The following LANCL3 variants were observed in gnomAD, a reference collection of about 807,000 sequenced individuals.
The protein encoded by LANCL3 is LanC like family member 3, also known as lanC-like protein 3.
In LANCL3, 19 loss-of-function variants were observed where a neutral mutation model predicts 26.5. The observed-to-expected ratio is 0.72, with a 90% CI of 0.50 to 1.05. The LOEUF is 1.05. LANCL3 is among the 50% of genes least tolerant of loss of function. The pLI is 0.00. For missense variants in LANCL3, 318 were observed against 362.7 expected (o/e 0.88, Z 1.00); for synonymous variants, 160 against 166.6 (o/e 0.96, Z 0.30).
chrX:37,614,268 A>T (rs1002385384), intron 1 of LANCL3, among the ~76,000 whole-genome samples: 2 of 111,589 alleles, frequency 1.8e-5, no homozygotes, highest in Non-Finnish European at 3.8e-5. Flanking sequence ...ACGTAAAAAA[A>T]ATACCCATGC....
chrX:37,649,876 G>A (rs1369954231), intron 1 of LANCL3, among the ~76,000 whole-genome samples: 3 of 111,084 alleles, frequency 2.7e-5, no homozygotes, highest in South Asian at 3.8e-4. Flanking sequence ...TTTAGCCCTC[G>A]TCTTCATCAT....
At chrX:37,622,370 A>G (rs1218076548) in intron 1 of LANCL3, among the ~76,000 whole-genome samples, 1 of 105,954 alleles carries the variant, frequency 9.4e-6, no homozygotes, top group Admixed American at 1.0e-4. Flanking sequence ...GATTGTGCAA[A>G]AAGAGGGACT....
intron 1 of LANCL3, among the ~76,000 whole-genome samples, chrX:37,584,439 A>G (rs1249638641): frequency 4.0e-4 from 44 of 109,984 alleles, no homozygotes; most frequent in South Asian, 7.9e-4. Context: ...CTGTGAATCC[A>G]TCTGGTCCTG....
chrX:37,614,020 T>C (rs12846371), intron 1 of LANCL3, among the ~76,000 whole-genome samples: 1 of 112,343 alleles, frequency 8.9e-6, no homozygotes, highest in African/African-American at 3.2e-5. Context: ...AAACCCCTAG[T>C]TGGACTAGTG....
Position 37,571,808 on chromosome X carries a change from C to G in LANCL3, c.-63C>G. The G allele has an allele frequency of 9.9e-7, 1 of 1,007,645 alleles. No homozygotes were observed. The highest frequency in any genetic ancestry group is 1.3e-6 in the Non-Finnish European group (1 of 743,243). The allele number at this position is 1,007,645 out of a possible 1,213,427, so 83.0% of individuals were successfully genotyped here. ...GCCTCAGAGAGCCGGAGGTGGTGTG[C>G]GGGGCTGCAGGGCACGACTTCAAGC... On this transcript the variant is annotated 5_prime_UTR_variant, in exon 1 of 5. Transcript: ENST00000378619.
chrX:37,598,623 A>G (rs1166147910), intron 1 of LANCL3, among the ~76,000 whole-genome samples: 1 of 112,659 alleles, frequency 8.9e-6, no homozygotes, highest in Non-Finnish European at 1.9e-5. Context: ...TTATTTAGAC[A>G]TTGATTTTAT....
In LANCL3 at chrX:37,632,910, G is replaced by A. The variant is rs782129474; in HGVS notation, c.574-22778G>A. Reference sequence around the variant, plus strand: ...CATTTTTTCCTTCATTTCAACTTTGGTGAATCTGACAATTATGTGTCTTGG... The same window carrying A: ...CATTTTTTCCTTCATTTCAACTTTGATGAATCTGACAATTATGTGTCTTGG... On this transcript the variant is annotated intron_variant, in intron 1 of 4. Coordinates refer to ENST00000378619, the MANE Select transcript of LANCL3 (RefSeq NM_001170331.2). Among the ~76,000 whole-genome samples the A allele has an allele frequency of 1.8e-4, 20 of 111,195 alleles. No homozygotes were observed. In the East Asian group the frequency reaches 5.3e-3, roughly 30 times the overall value.
intron 1 of LANCL3, among the ~76,000 whole-genome samples, chrX:37,655,456 GGT>G (rs1926258752): frequency 8.9e-6 from 1 of 112,133 alleles, no homozygotes; most frequent in East Asian, 2.8e-4. Context: ...TAGCTGTAAA[GGT>G]GTGTGTTTTC....
chrX:37,678,640 T>G lies in LANCL3; in HGVS notation c.*2827T>G, dbSNP rs1284412453. 1 of 111,682 alleles carries G rather than the reference T, an allele frequency of 9.0e-6. No homozygotes were observed. Among genetic ancestry groups the G allele is most frequent in the Non-Finnish European group, 1.9e-5 (1 of 53,066 alleles). 9.2% of individuals were successfully genotyped at this position (111,682 alleles called of 1,213,427 possible). A position where few individuals can be genotyped will look rare whatever the true frequency, so the allele number is the denominator to read the frequency against. On this transcript the variant is annotated 3_prime_UTR_variant, in exon 5 of 5. Transcript: ENST00000378619. ...CTTCCACACACACCCCAGAATATTA[T>G]ACATTTTTATTTTGCCCAAGCCTGT...
intron 1 of LANCL3, among the ~76,000 whole-genome samples, chrX:37,637,188 C>T (rs977046179): frequency 2.7e-5 from 3 of 111,674 alleles, no homozygotes; most frequent in African/African-American, 9.8e-5. Context: ...ATTAAGTGTG[C>T]CTTCCATCAT....
At chrX:37,664,874 A>G (rs782533710) in intron 3 of LANCL3, among the ~76,000 whole-genome samples, 1 of 111,634 alleles carries the variant, frequency 9.0e-6, no homozygotes, top group Non-Finnish European at 1.9e-5. Flanking sequence ...AGCACCATCC[A>G]TGTTCCTGGA....
intron 1 of LANCL3, among the ~76,000 whole-genome samples, chrX:37,574,888 GGT>G (rs781868476): frequency 0.21 from 20,677 of 100,718 alleles, 3,613 homozygotes; most frequent in African/African-American, 0.55. Context: ...ACCTTGTATA[GGT>G]GTGTGTGTGT....
At chrX:37,612,796 G>C (rs1556421332) in intron 1 of LANCL3, among the ~76,000 whole-genome samples, 1 of 111,890 alleles carries the variant, frequency 8.9e-6, no homozygotes, top group East Asian at 2.8e-4. Context: ...ATCAGGAAAT[G>C]TTGACACAGT....
chrX:37,660,628 T>G (rs1338778540), intron 3 of LANCL3, among the ~76,000 whole-genome samples: 3 of 111,102 alleles, frequency 2.7e-5, no homozygotes, highest in Non-Finnish European at 3.8e-5. Flanking sequence ...AGATTCTGAG[T>G]CGATTTAATT....
intron 1 of LANCL3, among the ~76,000 whole-genome samples, chrX:37,631,942 G>T (rs1357107247): frequency 9.0e-6 from 1 of 110,725 alleles, no homozygotes; most frequent in African/African-American, 3.3e-5. Flanking sequence ...GATTTGGGGT[G>T]GAGAGTTCTG....
chrX:37,628,800 G>A (rs1400814987), intron 1 of LANCL3, among the ~76,000 whole-genome samples: 1 of 109,838 alleles, frequency 9.1e-6, no homozygotes, highest in Non-Finnish European at 1.9e-5. Context: ...TGGCTGCATA[G>A]TATTCCATGG....
intron 1 of LANCL3, among the ~76,000 whole-genome samples, chrX:37,609,139 A>C (rs1162567774): frequency 7.1e-5 from 8 of 112,221 alleles, no homozygotes; most frequent in African/African-American, 2.6e-4. Flanking sequence ...TTGAGACAAA[A>C]TTTTTAGGTA....
At chrX:37,634,142 C>T (rs1447622868) in intron 1 of LANCL3, among the ~76,000 whole-genome samples, 7 of 112,531 alleles carry the variant, frequency 6.2e-5, no homozygotes, top group East Asian at 5.6e-4. Flanking sequence ...CAATGGCGGG[C>T]GCCCCTCCCC....
At chrX:37,584,234 G>T (rs1386196604) in intron 1 of LANCL3, among the ~76,000 whole-genome samples, 8 of 110,051 alleles carry the variant, frequency 7.3e-5, no homozygotes, top group Admixed American at 2.9e-4. Flanking sequence ...ATTTTTTTGA[G>T]GATTTTTGCC....
Sources: allele counts gnomAD v4.1 joint callset (sites outside exome capture counted in the v4.1 genomes callset), GRCh38; gene constraint gnomAD v4.1.1; transcripts MANE v1.5; gene names NCBI Gene and HGNC (gene_info 2026-07-23, HGNC 2026-07-21).